ENPP2: variants seen among roughly 807,000 people sequenced by gnomAD.
The protein encoded by ENPP2 is ectonucleotide pyrophosphatase/phosphodiesterase 2, also known as autotaxin.
A neutral mutation model predicts 120.2 loss-of-function variants in ENPP2; 51 were observed. That is an observed-to-expected ratio of 0.42 (90% CI 0.34 to 0.54). The LOEUF is 0.54. ENPP2 is among the 20% of genes least tolerant of loss of function. The probability of loss-of-function intolerance (pLI) is 0.04; values close to 1 mark genes in which losing one functional copy is unlikely to be tolerated. For missense variants in ENPP2, 920 were observed against 1,066.5 expected (o/e 0.86, Z 1.91); for synonymous variants, 365 against 366.4 (o/e 1.00, Z 0.04).
In ENPP2 at chr8:119,570,812, C is replaced by T; in HGVS notation, c.1810G>A (p.Val604Met). 1.3e-6 allele frequency: 2 copies of T among 1,574,918 alleles called. No homozygotes were observed. The highest frequency in any genetic ancestry group is 1.7e-6 in the Non-Finnish European group (2 of 1,164,512). The stretch of plus-strand genomic sequence containing the variant: ...ATATCATATCTAGTCCGATAAAGCA[C>T]TGCAGGTCGCCCATAGAGGAGGTGT... ...ERHLLYGRPAVLYRTRYDILY... is the reference protein window; with the variant it reads ...ERHLLYGRPAMLYRTRYDILY... The change falls in exon 20 of 25, where the codon GTG becomes ATG. Residue 604 changes from valine to methionine, a missense_variant. By Grantham distance (21) the Val-to-Met change is conservative. Transcript: ENST00000075322.
Position 119,570,850 on chromosome 8 carries a change from G to GA in ENPP2, c.1781-10dup, listed in dbSNP as rs751350102. On this transcript the variant is annotated splice_polypyrimidine_tract_variant and intron_variant, in intron 19 of 24. Coordinates refer to ENST00000075322, the MANE Select transcript of ENPP2 (RefSeq NM_001040092.3). ...ATAGAGGAGGTGTCTCTCTAAAAAA[G>GA]AAAAAAAATAAACTGTGTTAGGTGC... 122 of 1,524,328 alleles carry GA rather than the reference G, an allele frequency of 8.0e-5. No individual in the cohort carries two copies. The highest frequency in any genetic ancestry group is 1.1e-4 in the South Asian group (8 of 75,706). 94.4% of individuals were successfully genotyped at this position (1,524,328 alleles called of 1,614,324 possible). A position where few individuals can be genotyped will look rare whatever the true frequency, so the allele number is the denominator to read the frequency against.
chr8:119,622,575 C>T (rs904028951), intron 3 of ENPP2, among the ~76,000 whole-genome samples: 12 of 152,116 alleles, frequency 7.9e-5, no homozygotes, highest in African/African-American at 2.7e-4. Context: ...AGAGTGTAAG[C>T]GCCATGGCAG....
At chr8:119,672,710 T>C (rs977860559) in intron 1 of ENPP2, among the ~76,000 whole-genome samples, 1 of 152,214 alleles carries the variant, frequency 6.6e-6, no homozygotes, top group African/African-American at 2.4e-5. Flanking sequence ...AACATCTTTG[T>C]GGAGCCTGCG....
At chr8:119,607,803 A>G in intron 9 of ENPP2, 119 bp downstream of exon 9, 1 of 655,376 alleles carries the variant, frequency 1.5e-6, no homozygotes, top group South Asian at 2.3e-5. Flanking sequence ...GATTTAGTAA[A>G]TATTCAAAAG....
intron 2 of ENPP2, among the ~76,000 whole-genome samples, chr8:119,628,108 T>C (rs975260678): frequency 2.0e-5 from 3 of 151,888 alleles, no homozygotes; most frequent in Non-Finnish European, 2.9e-5. Flanking sequence ...AAAGACTAGA[T>C]AGCAAAGTAT....
chr8:119,557,468 A>G lies in ENPP2; in HGVS notation c.*53T>C. 7.1e-7 allele frequency: 1 copy of G among 1,401,814 alleles called. No homozygotes were observed. Among genetic ancestry groups the G allele is most frequent in the Non-Finnish European group, 9.8e-7 (1 of 1,017,350 alleles). 86.8% of individuals were successfully genotyped at this position (1,401,814 alleles called of 1,614,324 possible). A position where few individuals can be genotyped will look rare whatever the true frequency, so the allele number is the denominator to read the frequency against. On this transcript the variant is annotated 3_prime_UTR_variant, in exon 25 of 25. Transcript: ENST00000075322. Reference sequence around the variant, plus strand: ...GTTTCAAATTAATAAATACAAAAACAATATAAAAATATACAACCAGTTGAT... The same window carrying G: ...GTTTCAAATTAATAAATACAAAAACGATATAAAAATATACAACCAGTTGAT...
intron 23 of ENPP2, among the ~76,000 whole-genome samples, chr8:119,564,264 A>C (rs1193224098): frequency 6.6e-6 from 1 of 152,164 alleles, no homozygotes. Flanking sequence ...GCTGTTGAAG[A>C]AATGACTAAA....
chr8:119,597,873 A>G (rs1266249593), intron 11 of ENPP2, among the ~76,000 whole-genome samples: 1 of 152,248 alleles, frequency 6.6e-6, no homozygotes, highest in African/African-American at 2.4e-5. Flanking sequence ...TCAAATATTT[A>G]GCAAATAAAG....
At chr8:119,620,751 A>G (rs1205006977) in intron 4 of ENPP2, among the ~76,000 whole-genome samples, 1 of 152,250 alleles carries the variant, frequency 6.6e-6, no homozygotes, top group Non-Finnish European at 1.5e-5. Context: ...ATATTCTACA[A>G]TCAACCAGAC....
intron 1 of ENPP2, among the ~76,000 whole-genome samples, chr8:119,656,591 G>T (rs530540810): frequency 4.6e-5 from 7 of 152,308 alleles, no homozygotes; most frequent in Middle Eastern, 3.4e-3. Flanking sequence ...CTAGGCACAA[G>T]AGTCCAGTAA....
chr8:119,576,979 A>G (rs1341205182), intron 19 of ENPP2, among the ~76,000 whole-genome samples: 1 of 152,178 alleles, frequency 6.6e-6, no homozygotes, highest in Non-Finnish European at 1.5e-5. Flanking sequence ...ATTGCCCAAG[A>G]TTGGTTTAAC....
chr8:119,602,471 A>AGG, intron 9 of ENPP2, among the ~76,000 whole-genome samples: 1 of 152,050 alleles, frequency 6.6e-6, no homozygotes, highest in African/African-American at 2.4e-5. Flanking sequence ...AAAAAAAAAA[A>AGG]AAAAGAATAG....
chr8:119,559,158 T>C (rs1587305736), intron 24 of ENPP2, among the ~76,000 whole-genome samples: 1 of 152,070 alleles, frequency 6.6e-6, no homozygotes, highest in East Asian at 1.9e-4. Context: ...TAAATATAAC[T>C]CTACCCACAA....
At chr8:119,615,379 G>A (rs535291541) in intron 8 of ENPP2, among the ~76,000 whole-genome samples, 2 of 152,314 alleles carry the variant, frequency 1.3e-5, no homozygotes, top group African/African-American at 2.4e-5. Flanking sequence ...CTTCTGGCCA[G>A]AAGCTTGTAC....
In ENPP2 at chr8:119,607,951, C is replaced by T. The variant is rs192773009; in HGVS notation, c.804G>A (p.Gly268=). 1.8e-5 allele frequency: 29 copies of T among 1,610,834 alleles called. No homozygotes were observed. The Admixed American group carries it at 3.9e-4, about 21-fold the overall frequency. The change falls in exon 9 of 25, where the codon GGG becomes GGA. Residue 268 remains glycine, a synonymous_variant. Transcript: ENST00000075322. ...QPLWITATKQ[G]VKAGTFFWSV... ...ACCAAAAGAATGTTCCAGCTTTCAC[C>T]CCTTGCTTGGTGGCTGTAATCCATA... is the stretch of plus-strand genomic sequence containing the variant.
chr8:119,671,016 G>T (rs760958686), intron 1 of ENPP2, among the ~76,000 whole-genome samples: 53 of 151,882 alleles, frequency 3.5e-4, no homozygotes, highest in Non-Finnish European at 6.0e-4. Flanking sequence ...TCTGGGCACA[G>T]TGGCTCACGC....
chr8:119,601,506 C>A, intron 9 of ENPP2, 44 bp from the exon 10 acceptor site: 2 of 1,521,568 alleles, frequency 1.3e-6, no homozygotes, highest in Non-Finnish European at 1.8e-6. Flanking sequence ...GGTTTCATTT[C>A]CGCAAACTCA....
chr8:119,670,553 T>C (rs955421234), intron 1 of ENPP2, among the ~76,000 whole-genome samples: 1 of 152,142 alleles, frequency 6.6e-6, no homozygotes, highest in African/African-American at 2.4e-5. Flanking sequence ...AGTAAATAGA[T>C]ATTTGTAATA....
chr8:119,629,223 T>C (rs1252882684), intron 2 of ENPP2, among the ~76,000 whole-genome samples: 2 of 152,118 alleles, frequency 1.3e-5, no homozygotes, highest in Non-Finnish European at 2.9e-5. Flanking sequence ...TATATATATG[T>C]ACAAAATATA....
Sources: allele counts gnomAD v4.1 joint callset (sites outside exome capture counted in the v4.1 genomes callset), GRCh38; gene constraint gnomAD v4.1.1; transcripts MANE v1.5; gene names NCBI Gene and HGNC (gene_info 2026-07-23, HGNC 2026-07-21).